GRID2: variants seen among roughly 807,000 people sequenced by gnomAD.
The protein encoded by GRID2 is glutamate receptor ionotropic, delta-2.
GRID2 carries 33 observed loss-of-function variants against 114.8 expected under a neutral mutation model. The observed-to-expected ratio is 0.29, with a 90% CI of 0.22 to 0.38. GRID2 has a LOEUF of 0.38. GRID2 is among the 10% of genes least tolerant of loss of function. The pLI, the probability that GRID2 is intolerant of heterozygous loss-of-function variation, is 1.00. For missense variants in GRID2, 1,184 were observed against 1,257.7 expected (o/e 0.94, Z 0.89); for synonymous variants, 505 against 449.9 (o/e 1.12, Z -1.55).
chr4:92,365,652 A>C (rs1412987985), intron 1 of GRID2, among the ~76,000 whole-genome samples: 1 of 152,080 alleles, frequency 6.6e-6, no homozygotes, highest in Non-Finnish European at 1.5e-5. Flanking sequence ...TAAATTTCAA[A>C]CGTCTTACCA....
chr4:93,481,218 A>G (rs1725832220), intron 11 of GRID2, among the ~76,000 whole-genome samples: 1 of 152,058 alleles, frequency 6.6e-6, no homozygotes, highest in Non-Finnish European at 1.5e-5. Flanking sequence ...GAGATCCGTG[A>G]AATTTCCTAT....
At chr4:92,894,914 T>C (rs1285468001) in intron 2 of GRID2, among the ~76,000 whole-genome samples, 2 of 152,028 alleles carry the variant, frequency 1.3e-5, no homozygotes, top group Non-Finnish European at 2.9e-5. Flanking sequence ...GGGGAGTTCT[T>C]GAAATAGAAT....
chr4:92,629,173 T>C (rs766997261), intron 2 of GRID2, among the ~76,000 whole-genome samples: 1 of 152,136 alleles, frequency 6.6e-6, no homozygotes, highest in Non-Finnish European at 1.5e-5. Flanking sequence ...AATTTGTTGT[T>C]TTAAAGTGTA....
At chr4:92,534,632 G>A (rs7662234) in intron 1 of GRID2, among the ~76,000 whole-genome samples, 67,410 of 151,874 alleles carry the variant, frequency 0.44, 15,105 homozygotes, top group Middle Eastern at 0.56. Flanking sequence ...TTTTCTTACT[G>A]TCAGAATGAC....
chr4:93,115,442 CATAA>C (rs1455232868), intron 4 of GRID2, among the ~76,000 whole-genome samples: 1 of 144,566 alleles, frequency 6.9e-6, no homozygotes, highest in African/African-American at 2.7e-5. Context: ...ATTTTTCTTA[CATAA>C]ATAGTTATGT....
At chr4:93,155,413 G>A (rs1301843589) in intron 4 of GRID2, among the ~76,000 whole-genome samples, 1 of 151,724 alleles carries the variant, frequency 6.6e-6, no homozygotes, top group Non-Finnish European at 1.5e-5. Flanking sequence ...TAAGTTCTAA[G>A]GTCACCATTT....
chr4:92,958,448 C>T (rs1235733775), intron 2 of GRID2, among the ~76,000 whole-genome samples: 1 of 151,974 alleles, frequency 6.6e-6, no homozygotes, highest in African/African-American at 2.4e-5. Flanking sequence ...TCTTATTTAG[C>T]TTGTTGATAT....
At chr4:93,606,119 T>C (rs886406184) in intron 13 of GRID2, among the ~76,000 whole-genome samples, 14 of 152,026 alleles carry the variant, frequency 9.2e-5, no homozygotes, top group African/African-American at 3.4e-4. Flanking sequence ...ATACAAAAAT[T>C]AGCTGGGCGT....
intron 2 of GRID2, among the ~76,000 whole-genome samples, chr4:92,924,967 CAT>C (rs969792624): frequency 5.9e-5 from 9 of 152,154 alleles, no homozygotes; most frequent in African/African-American, 2.2e-4. Flanking sequence ...ACCTGAGATC[CAT>C]CACTTAAAAC....
chr4:93,038,300 A>G (rs1725119949), intron 2 of GRID2, among the ~76,000 whole-genome samples: 1 of 152,138 alleles, frequency 6.6e-6, no homozygotes, highest in Non-Finnish European at 1.5e-5. Context: ...ATTTTTGCAC[A>G]TTGATTTTGT....
chr4:93,434,457 T>C (rs550006306), intron 10 of GRID2, among the ~76,000 whole-genome samples: 129 of 151,962 alleles, frequency 8.5e-4, no homozygotes, highest in Non-Finnish European at 1.2e-3. Flanking sequence ...AATAAAAATA[T>C]ATAAAAAAAA....
At chr4:92,545,504 G>A (rs62307823) in intron 1 of GRID2, among the ~76,000 whole-genome samples, 13,053 of 152,108 alleles carry the variant, frequency 0.086, 653 homozygotes, top group African/African-American at 0.13. Context: ...TTGTAAGCTT[G>A]GTTCCAGATT....
At chr4:92,932,705 A>C (rs1234080828) in intron 2 of GRID2, among the ~76,000 whole-genome samples, 1 of 151,326 alleles carries the variant, frequency 6.6e-6, no homozygotes, top group Non-Finnish European at 1.5e-5. Flanking sequence ...TCTTATATTC[A>C]TACAATGAAA....
At chr4:93,577,027 A>C (rs761615128) in intron 13 of GRID2, among the ~76,000 whole-genome samples, 1 of 152,214 alleles carries the variant, frequency 6.6e-6, no homozygotes, top group Non-Finnish European at 1.5e-5. Flanking sequence ...TTAATATAAC[A>C]GGAAAATTAT....
At chr4:93,449,706 T>G (rs916452919) in intron 10 of GRID2, among the ~76,000 whole-genome samples, 2 of 152,098 alleles carry the variant, frequency 1.3e-5, no homozygotes, top group Non-Finnish European at 2.9e-5. Context: ...ACTAGTGAGC[T>G]ATCATCAAAG....
chr4:93,331,839 T>C (rs561962719), intron 8 of GRID2, among the ~76,000 whole-genome samples: 1 of 152,240 alleles, frequency 6.6e-6, no homozygotes, highest in African/African-American at 2.4e-5. Flanking sequence ...AATTAGGTAA[T>C]AGTTGTAAAG....
intron 2 of GRID2, among the ~76,000 whole-genome samples, chr4:92,668,127 G>A (rs569427206): frequency 6.6e-6 from 1 of 151,838 alleles, no homozygotes; most frequent in Admixed American, 6.6e-5. Flanking sequence ...GTAGAATACA[G>A]GAGGTCAGAT....
intron 1 of GRID2, among the ~76,000 whole-genome samples, chr4:92,405,968 C>T (rs1013157182): frequency 3.9e-5 from 6 of 152,064 alleles, no homozygotes; most frequent in Non-Finnish European, 5.9e-5. Flanking sequence ...CAGTCTGAGT[C>T]CCAAAACTGA....
At chr4:93,676,014 TA>T (rs1724824189) in intron 14 of GRID2, among the ~76,000 whole-genome samples, 1 of 152,138 alleles carries the variant, frequency 6.6e-6, no homozygotes, top group Non-Finnish European at 1.5e-5. Context: ...AATTCAAGAG[TA>T]ATTTGAGGTA....
Sources: allele counts gnomAD v4.1 joint callset (sites outside exome capture counted in the v4.1 genomes callset), GRCh38; gene constraint gnomAD v4.1.1; transcripts MANE v1.5; gene names NCBI Gene and HGNC (gene_info 2026-07-23, HGNC 2026-07-21).